Variants in KDM1B observed in about 807,000 individuals in gnomAD.
The protein encoded by KDM1B is lysine-specific histone demethylase 2.
Under a neutral mutation model 107.4 loss-of-function variants are expected in KDM1B, and 63 were observed. That is an observed-to-expected ratio of 0.59 (90% CI 0.48 to 0.72). KDM1B has a LOEUF of 0.72. Ranked by LOEUF, KDM1B falls within the 30% of genes least tolerant of loss-of-function variation. The pLI is 0.00. For synonymous variants in KDM1B, 363 were observed against 363.9 expected, an observed-to-expected ratio of 1.00 and a Z score of 0.03; for missense variants, 749 against 1,020.8, an observed-to-expected ratio of 0.73 and a Z score of 3.63.
rs918788527 is a variant in KDM1B at position 18,214,574 on chromosome 6, C to T, written c.2110-433C>T. ...GGAAAATGGACTGGCGAGTGACGTG[C>T]GGATAAGGGACAGCCAGAAATAGTG... On this transcript the variant is annotated intron_variant, in intron 19 of 21. Transcript: ENST00000650836. The surrounding 1 kb of genome is among the most constrained non-coding windows in gnomAD (Gnocchi z 4.4). 5.9e-5 allele frequency among the ~76,000 whole-genome samples: 9 copies of T among 152,072 alleles called. No homozygotes were observed. The highest frequency in any genetic ancestry group is 5.8e-4 in the East Asian group (3 of 5,186).
intron 7 of KDM1B, among the ~76,000 whole-genome samples, chr6:18,184,713 T>A (rs1786720541): frequency 6.6e-6 from 1 of 151,342 alleles, no homozygotes; most frequent in Non-Finnish European, 1.5e-5. Flanking sequence ...TTGATGACCT[T>A]TGGGTTGTTT....
At chr6:18,216,740 T>G (rs1789265849) in intron 20 of KDM1B, among the ~76,000 whole-genome samples, 1 of 152,236 alleles carries the variant, frequency 6.6e-6, no homozygotes, top group African/African-American at 2.4e-5. Context: ...GAGTCATCTC[T>G]GTTATCAGAG....
chr6:18,167,522 G>A (rs930418999), intron 6 of KDM1B, among the ~76,000 whole-genome samples: 3 of 151,398 alleles, frequency 2.0e-5, no homozygotes, highest in African/African-American at 4.9e-5. Flanking sequence ...TGCCCAGGCT[G>A]TAGTGCAGTG....
At chr6:18,218,925 C>T (rs1005185777) in intron 21 of KDM1B, among the ~76,000 whole-genome samples, 3 of 151,860 alleles carry the variant, frequency 2.0e-5, no homozygotes, top group Non-Finnish European at 2.9e-5. Context: ...TTTTTTGAGA[C>T]GGAGTCTCTC....
At position 18,222,057 on chromosome 6, in the gene KDM1B, T is replaced by C. The variant is rs1789797115; in HGVS notation, c.*65T>C. The C allele has an allele frequency of 7.0e-7, 1 of 1,429,612 alleles. No homozygotes were observed. The highest frequency in any genetic ancestry group is 1.4e-5 in the African/African-American group (1 of 71,306). The allele number at this position is 1,429,612 out of a possible 1,614,324, so 88.6% of individuals were successfully genotyped here. A position where few individuals can be genotyped will look rare whatever the true frequency, so the allele number is the denominator to read the frequency against. On this transcript the variant is annotated 3_prime_UTR_variant, in exon 22 of 22. Transcript: ENST00000650836. The stretch of plus-strand genomic sequence containing the variant: ...GGAAATTTGAATCACATGTTAAACC[T>C]CAGTTTTATAAGAGGGGGAAAAAAC...
At chr6:18,180,038 A>G (rs1409755371) in intron 7 of KDM1B, among the ~76,000 whole-genome samples, 2 of 121,830 alleles carry the variant, frequency 1.6e-5, no homozygotes, top group Non-Finnish European at 1.8e-5. Context: ...TAATTTTTGT[A>G]TTTTTTTTTT....
chr6:18,205,975 A>AAAAT lies in KDM1B; in HGVS notation c.1659+327_1659+330dup, dbSNP rs201818132. On this transcript the variant is annotated intron_variant, in intron 15 of 21. Transcript: ENST00000650836. This position sits in a 1 kb window ranked among gnomAD's most constrained non-coding sequence, Gnocchi z 5.7. ...CCACTGCACTCCAGCCTGGAGTCTC[A>AAAAT]AAATAAATAAATAAATAAAATACTT... Among the ~76,000 whole-genome samples the AAAAT allele has an allele frequency of 0.042, 6,412 of 151,736 alleles. 447 individuals carry two copies. Among genetic ancestry groups the AAAAT allele is most frequent in the African/African-American group, 0.14 (5,951 of 41,204 alleles).
chr6:18,221,910 CAACA>C lies in KDM1B; in HGVS notation c.2392_2395del (p.Asn798GlyfsTer12). 1 of 1,599,002 alleles carries C rather than the reference CAACA, an allele frequency of 6.3e-7. No individual in the cohort carries two copies. Among genetic ancestry groups the C allele is most frequent in the Non-Finnish European group, 8.5e-7 (1 of 1,171,018 alleles). On this transcript the variant is annotated frameshift_variant and splice_region_variant, in exon 22 of 22. Transcript: ENST00000650836. LOFTEE classifies it high-confidence loss of function. ...AAATTATGTAATTATGTTTTACAGGCAACAAACAGGCATTTCCCACAAACTGTTA... is the reference window on the plus strand; with the variant it reads ...AAATTATGTAATTATGTTTTACAGGCAACAGGCATTTCCCACAAACTGTTA...
rs1015066197 is a variant in KDM1B, at chr6:18,223,431, GTTAT to G, written c.*1442_*1445del. 6.8e-6 allele frequency: 1 copy of G among 147,140 alleles called. No homozygotes were observed. Among genetic ancestry groups the G allele is most frequent in the African/African-American group, 2.5e-5 (1 of 39,744 alleles). 9.1% of individuals were successfully genotyped at this position (147,140 alleles called of 1,614,324 possible). ...AACCCAAGACAACTCTGATATTTAG[GTTAT>G]TTGTTGAGACTCATTGGTACTGACT... On this transcript the variant is annotated 3_prime_UTR_variant, in exon 22 of 22. Transcript: ENST00000650836.
At chr6:18,216,555 C>G (rs974942143) in intron 20 of KDM1B, among the ~76,000 whole-genome samples, 3 of 152,198 alleles carry the variant, frequency 2.0e-5, no homozygotes, top group Admixed American at 1.3e-4. Flanking sequence ...TACAGTCGCT[C>G]TCTCTTACTC....
intron 7 of KDM1B, among the ~76,000 whole-genome samples, chr6:18,182,625 A>G (rs1441890992): frequency 6.6e-6 from 1 of 151,960 alleles, no homozygotes; most frequent in East Asian, 1.9e-4. Flanking sequence ...TGCAGCCTCA[A>G]ACTCCTGAGT....
Position 18,215,012 on chromosome 6 carries a change from G to A in KDM1B, c.2115G>A (p.Lys705=). Residue 705 remains lysine (K), a synonymous_variant, in exon 20 of 22, where the codon AAG becomes AAA. Coordinates refer to ENST00000650836, the MANE Select transcript of KDM1B (RefSeq NM_001364614.2). ...AVFYDMDPQK[K]HSVLMSVIAG... is the part of the protein sequence containing the mutation. ...TTTTCCTTTCATGTCTCCAGAAGAA[G>A]CACAGCGTGCTGATGTCTGTGATTG... 1 of 1,613,818 alleles carries A rather than the reference G, an allele frequency of 6.2e-7. No individual in the cohort carries two copies. Among genetic ancestry groups the A allele is most frequent in the Non-Finnish European group, 8.5e-7 (1 of 1,179,880 alleles).
Position 18,159,592 on chromosome 6 carries a change from T to G in KDM1B, c.-13-291T>G, listed in dbSNP as rs529705473. Among the ~76,000 whole-genome samples, 8 of 152,130 alleles carry G rather than the reference T, an allele frequency of 5.3e-5. No individual in the cohort carries two copies. The highest frequency in any genetic ancestry group is 5.9e-5 in the Non-Finnish European group (4 of 68,034). On this transcript the variant is annotated intron_variant, in intron 2 of 21. Coordinates refer to ENST00000650836, the MANE Select transcript of KDM1B (RefSeq NM_001364614.2). The surrounding 1 kb of genome is among the most constrained non-coding windows in gnomAD (Gnocchi z 4.5). ...TTTTATGTGTGAGAACACTGAGGCT[T>G]AGAGAGGTTAAGAACTTGAAAATGG...
At position 18,201,792 on chromosome 6, in the gene KDM1B, G is replaced by C. The variant is rs1788050769; in HGVS notation, c.1531+135G>C. ...CCCTCCTGAGCATTTCTTTTGGACTGATGGATTCTCCAAGTTCTCAGGGGA... is the reference window on the plus strand; with the variant it reads ...CCCTCCTGAGCATTTCTTTTGGACTCATGGATTCTCCAAGTTCTCAGGGGA... On this transcript the variant is annotated intron_variant, in intron 14 of 21. Coordinates refer to ENST00000650836, the MANE Select transcript of KDM1B (RefSeq NM_001364614.2). The surrounding 1 kb of genome is among the most constrained non-coding windows in gnomAD (Gnocchi z 4.3). The C allele has an allele frequency of 1.4e-6, 1 of 720,710 alleles. No individual in the cohort carries two copies. Among genetic ancestry groups the C allele is most frequent in the East Asian group, 2.8e-5 (1 of 36,026 alleles). 44.6% of individuals were successfully genotyped at this position (720,710 alleles called of 1,614,324 possible).
Position 18,191,752 on chromosome 6 carries a change from C to T in KDM1B, c.969+371C>T, listed in dbSNP as rs544813771. ...GTGCAAGGTTTGGTCCAAAGAGTTC[C>T]AATGGCAATGGCAGGAGGGAAAAAC... is the stretch of plus-strand genomic sequence containing the variant. On this transcript the variant is annotated intron_variant, in intron 10 of 21. Coordinates refer to ENST00000650836, the MANE Select transcript of KDM1B (RefSeq NM_001364614.2). This position sits in a 1 kb window ranked among gnomAD's most constrained non-coding sequence, Gnocchi z 5.1. 6.6e-6 allele frequency among the ~76,000 whole-genome samples: 1 copy of T among 152,200 alleles called. No individual in the cohort carries two copies. Among genetic ancestry groups the T allele is most frequent in the Non-Finnish European group, 1.5e-5 (1 of 68,018 alleles).
intron 20 of KDM1B, among the ~76,000 whole-genome samples, chr6:18,217,148 A>G (rs1249078047): frequency 6.6e-6 from 1 of 152,160 alleles, no homozygotes; most frequent in African/African-American, 2.4e-5. Flanking sequence ...GATAGCCCCC[A>G]GTAGAGGGAG....
rs1434457016 is a variant in KDM1B at position 18,155,677 on chromosome 6, C to T, written c.-58+106C>T. 2 of 152,398 alleles carry T rather than the reference C, an allele frequency of 1.3e-5. No homozygotes were observed. The highest frequency in any genetic ancestry group is 4.8e-5 in the African/African-American group (2 of 41,456). 9.4% of individuals were successfully genotyped at this position (152,398 alleles called of 1,614,324 possible). Reference sequence around the variant, plus strand: ...TGGGGTGCAAGCCCTCCCTTTCCCCCTGTGCAGCGCCCCTCGCCGTGGTGG... The same window carrying T: ...TGGGGTGCAAGCCCTCCCTTTCCCCTTGTGCAGCGCCCCTCGCCGTGGTGG... On this transcript the variant is annotated intron_variant, in intron 1 of 21. Transcript: ENST00000650836. This position sits in a 1 kb window ranked among gnomAD's most constrained non-coding sequence, Gnocchi z 6.2.
chr6:18,202,920 A>G (rs942591704), intron 14 of KDM1B, among the ~76,000 whole-genome samples: 1 of 152,196 alleles, frequency 6.6e-6, no homozygotes, highest in African/African-American at 2.4e-5. Flanking sequence ...ATTTAATCAA[A>G]TGTTGTAGTG....
Position 18,222,073 on chromosome 6 carries a change from G to A in KDM1B, c.*81G>A, listed in dbSNP as rs528015628. 9 of 1,268,092 alleles carry A rather than the reference G, an allele frequency of 7.1e-6. No homozygotes were observed. The South Asian group carries it at 8.3e-5, about 12-fold the overall frequency. 78.6% of individuals were successfully genotyped at this position (1,268,092 alleles called of 1,614,324 possible). ...TGTTAAACCTCAGTTTTATAAGAGGGGGAAAAAACCGTCTCTACATAGTAA... is the reference window on the plus strand; with the variant it reads ...TGTTAAACCTCAGTTTTATAAGAGGAGGAAAAAACCGTCTCTACATAGTAA... On this transcript the variant is annotated 3_prime_UTR_variant, in exon 22 of 22. Coordinates refer to ENST00000650836, the MANE Select transcript of KDM1B (RefSeq NM_001364614.2).
Sources: allele counts gnomAD v4.1 joint callset (sites outside exome capture counted in the v4.1 genomes callset), GRCh38; gene constraint gnomAD v4.1.1; non-coding constraint Gnocchi (gnomAD v3.1); transcripts MANE v1.5; gene names NCBI Gene and HGNC (gene_info 2026-07-23, HGNC 2026-07-21).